The following KLF15 variants were observed in gnomAD, a reference collection of about 807,000 sequenced individuals.
KLF15 encodes Krueppel-like factor 15.
Under a neutral mutation model 24.6 loss-of-function variants are expected in KLF15, and 4 were observed. The ratio of observed to expected loss-of-function variants is 0.16; its 90% CI spans 0.08 to 0.37. The LOEUF is 0.37. KLF15 is among the 10% of genes least tolerant of loss of function. The pLI, the probability that KLF15 is intolerant of heterozygous loss-of-function variation, is 1.00. For synonymous variants in KLF15, 246 were observed against 236.3 expected (o/e 1.04, Z -0.37); for missense variants, 496 against 560.6 (o/e 0.88, Z 1.16).
the KLF15 span, among the ~76,000 whole-genome samples, chr3:126,318,485 C>A: frequency 1.3e-5 from 2 of 152,082 alleles, no homozygotes; most frequent in South Asian, 4.1e-4. Context: ...GAATGCAAGC[C>A]AACTACTCAT....
the KLF15 span, among the ~76,000 whole-genome samples, chr3:126,321,410 G>A: frequency 2.6e-5 from 4 of 152,256 alleles, no homozygotes; most frequent in African/African-American, 4.8e-5. Context: ...CTGAGCCCCT[G>A]CAAAGGCTGT....
the KLF15 span, among the ~76,000 whole-genome samples, chr3:126,323,479 A>ATGT: frequency 2.5e-5 from 1 of 39,708 alleles, no homozygotes; most frequent in African/African-American, 1.2e-4. Flanking sequence ...TATGTTATAT[A>ATGT]TATATATAAC....
the KLF15 span, among the ~76,000 whole-genome samples, chr3:126,323,421 A>ATATATATAACATATATATGT: frequency 4.2e-3 from 150 of 35,394 alleles, 1 homozygote; most frequent in African/African-American, 0.017. Context: ...ATATATATAT[A>ATATATATAACATATATATGT]TATATATATA....
At chr3:126,290,498 T>TCCTTCCTA in the KLF15 span, among the ~76,000 whole-genome samples, 1 of 113,744 alleles carries the variant, frequency 8.8e-6, no homozygotes, top group East Asian at 3.0e-4. Flanking sequence ...CTTCCTTTCT[T>TCCTTCCTA]CCTTCCTACC....
At position 126,343,413 on chromosome 3, in the gene KLF15, A is replaced by C; in HGVS notation, c.*314T>G. 1 of 335,492 alleles carries C rather than the reference A, an allele frequency of 3.0e-6. No individual in the cohort carries two copies. Among genetic ancestry groups the C allele is most frequent in the Non-Finnish European group, 5.4e-6 (1 of 184,872 alleles). 20.8% of individuals were successfully genotyped at this position (335,492 alleles called of 1,614,324 possible). Reference sequence around the variant, plus strand: ...CCAGTGGGAGAAGGGCCAGGTCCCCAAAACTCTGCCTGCAACCAGCGGCTG... The same window carrying C: ...CCAGTGGGAGAAGGGCCAGGTCCCCCAAACTCTGCCTGCAACCAGCGGCTG... On this transcript the variant is annotated 3_prime_UTR_variant, in exon 3 of 3. Transcript: ENST00000296233.
the KLF15 span, among the ~76,000 whole-genome samples, chr3:126,295,526 C>T: frequency 3.7e-4 from 56 of 152,210 alleles, no homozygotes; most frequent in Non-Finnish European, 6.8e-4. Flanking sequence ...ACAAAGGCAT[C>T]CACATTCGTA....
At chr3:126,288,684 G>A in the KLF15 span, among the ~76,000 whole-genome samples, 1 of 152,220 alleles carries the variant, frequency 6.6e-6, no homozygotes. Context: ...CGCTCACTTC[G>A]GGGCTCATTG....
the KLF15 span, among the ~76,000 whole-genome samples, chr3:126,307,484 G>C: frequency 6.6e-6 from 1 of 152,170 alleles, no homozygotes; most frequent in Non-Finnish European, 1.5e-5. Flanking sequence ...GGTGGCTATG[G>C]GCAAGGTCCT....
the KLF15 span, among the ~76,000 whole-genome samples, chr3:126,298,417 G>GATTATTATT: frequency 1.7e-5 from 2 of 114,828 alleles, no homozygotes; most frequent in Non-Finnish European, 3.9e-5. Context: ...TGTTTACTCT[G>GATTATTATT]CTGATTATTA....
chr3:126,323,415 AT>A, the KLF15 span, among the ~76,000 whole-genome samples: 523 of 36,838 alleles, frequency 0.014, 27 homozygotes, highest in African/African-American at 0.058. Context: ...ATATATATAT[AT>A]ATATATATAT....
the KLF15 span, among the ~76,000 whole-genome samples, chr3:126,295,007 A>G: frequency 6.6e-6 from 1 of 152,178 alleles, no homozygotes; most frequent in Non-Finnish European, 1.5e-5. Context: ...TCATATATAC[A>G]CATAATACAC....
intron 2 of KLF15, among the ~76,000 whole-genome samples, chr3:126,350,737 G>A (rs545117646): frequency 6.6e-6 from 1 of 152,246 alleles, no homozygotes; most frequent in Non-Finnish European, 1.5e-5. Flanking sequence ...ATGGTCACAC[G>A]GCACAGACAG....
At chr3:126,310,695 G>A in the KLF15 span, among the ~76,000 whole-genome samples, 2 of 152,276 alleles carry the variant, frequency 1.3e-5, no homozygotes, top group Non-Finnish European at 2.9e-5. Context: ...CCATCTGTGT[G>A]TGTCTGTGTC....
the KLF15 span, among the ~76,000 whole-genome samples, chr3:126,296,770 C>T: frequency 7.2e-5 from 11 of 152,302 alleles, no homozygotes; most frequent in East Asian, 1.9e-3. Context: ...AGGCAGCTTC[C>T]ATTCTCAAAT....
chr3:126,309,026 T>A, the KLF15 span, among the ~76,000 whole-genome samples: 1 of 152,010 alleles, frequency 6.6e-6, no homozygotes, highest in African/African-American at 2.4e-5. Context: ...AAGACTCACA[T>A]CCTCCTCAGA....
the KLF15 span, among the ~76,000 whole-genome samples, chr3:126,323,140 A>C: frequency 6.6e-6 from 1 of 150,808 alleles, no homozygotes; most frequent in Non-Finnish European, 1.5e-5. Flanking sequence ...TGCAAATATA[A>C]AAAGAGTGTA....
rs61736553 is a variant in KLF15, at chr3:126,352,520, G to A, written c.403C>T (p.Arg135Trp). Reference protein sequence around the residue: ...FPLGDPDDVPRPFQPTLEEIE... With the variant: ...FPLGDPDDVPWPFQPTLEEIE... ...TCCTCCAGGGTAGGCTGGAAGGGCC[G>A]TGGGACGTCATCAGGATCACCCAAA... The change falls in exon 2 of 3, where the codon CGG becomes TGG. Residue 135 changes from arginine to tryptophan, a missense_variant. Physicochemically the swap from Arg to Trp is moderately radical, Grantham distance 101 (BLOSUM62 -3). This residue lies in a region of KLF15 where 399 missense variants were observed against 423.1 expected (regional missense o/e 0.94). Coordinates refer to ENST00000296233, the MANE Select transcript of KLF15 (RefSeq NM_014079.4). 111 of 1,613,024 alleles carry A rather than the reference G, an allele frequency of 6.9e-5. No individual in the cohort carries two copies. The highest frequency in any genetic ancestry group is 1.2e-4 in the African/African-American group (9 of 74,926).
chr3:126,350,321 A>T (rs1409564819), intron 2 of KLF15, among the ~76,000 whole-genome samples: 1 of 152,218 alleles, frequency 6.6e-6, no homozygotes, highest in African/African-American at 2.4e-5. Flanking sequence ...GGACTCCAGG[A>T]TGGAGACCTT....
downstream of KLF15, among the ~76,000 whole-genome samples, chr3:126,342,184 C>A (rs1020494476): frequency 6.6e-6 from 1 of 152,188 alleles, no homozygotes; most frequent in African/African-American, 2.4e-5. Context: ...ATTACCCACG[C>A]CAGTAGGAAA....
Sources: allele counts gnomAD v4.1 joint callset (sites outside exome capture counted in the v4.1 genomes callset), GRCh38; gene constraint gnomAD v4.1.1; regional missense constraint gnomAD v4.1.1; transcripts MANE v1.5; gene names NCBI Gene and HGNC (gene_info 2026-07-23, HGNC 2026-07-21).